SLC30A3: variants seen among roughly 807,000 people sequenced by gnomAD.
SLC30A3 encodes the protein solute carrier family 30 member 3.
A neutral mutation model predicts 35.6 loss-of-function variants in SLC30A3; 20 were observed. The ratio of observed to expected loss-of-function variants is 0.56; its 90% CI spans 0.39 to 0.82. SLC30A3 has a LOEUF of 0.82. SLC30A3 is among the 40% of genes least tolerant of loss of function. The pLI is 0.00. For synonymous variants in SLC30A3, 217 were observed against 224.7 expected (o/e 0.97, Z 0.31); for missense variants, 401 against 530.6 (o/e 0.76, Z 2.40).
At chr2:27,270,645 G>C (rs1165939264) in intron 1 of SLC30A3, among the ~76,000 whole-genome samples, 1 of 152,196 alleles carries the variant, frequency 6.6e-6, no homozygotes, top group Non-Finnish European at 1.5e-5. Flanking sequence ...CGAAGAGACA[G>C]ACACTATTAT....
At chr2:27,261,362 G>A (rs1677174303) in intron 1 of SLC30A3, among the ~76,000 whole-genome samples, 1 of 152,220 alleles carries the variant, frequency 6.6e-6, no homozygotes, top group South Asian at 2.1e-4. Context: ...GGGCAGGTAG[G>A]TTAGGAAATG....
At chr2:27,263,215 G>A, upstream of SLC30A3, 3 of 662,202 alleles carry the variant, frequency 4.5e-6, no homozygotes, top group Non-Finnish European at 5.9e-6. Context: ...GGAGCGCCCC[G>A]CCACCCGAGT....
At chr2:27,256,556 C>A in intron 6 of SLC30A3, 36 bp from the exon 7 acceptor site, 1 of 1,612,386 alleles carries the variant, frequency 6.2e-7, no homozygotes, top group Non-Finnish European at 8.5e-7. Flanking sequence ...ACTGCTAGGG[C>A]TACTCCTGCC....
chr2:27,255,037 C>A lies in SLC30A3; in HGVS notation c.*275G>T. ...AACCATGGGGAGATGGCACCACAGG[C>A]CTTCAACACACCCTGCCACACTGAG... is the stretch of plus-strand genomic sequence containing the variant. On this transcript the variant is annotated 3_prime_UTR_variant, in exon 8 of 8. Transcript: ENST00000233535. The surrounding 1 kb of genome is among the most constrained non-coding windows in gnomAD (Gnocchi z 5.2). 7.3e-7 allele frequency: 1 copy of A among 1,372,468 alleles called. No individual in the cohort carries two copies. The highest frequency in any genetic ancestry group is 9.5e-7 in the Non-Finnish European group (1 of 1,048,492). The allele number at this position is 1,372,468 out of a possible 1,614,324, so 85.0% of individuals were successfully genotyped here.
upstream of SLC30A3, chr2:27,275,449 T>C (rs982710084): frequency 1.4e-5 from 5 of 352,250 alleles, no homozygotes; most frequent in African/African-American, 4.3e-5. Context: ...ACCCTCAGCG[T>C]CGACGCTGCG....
chr2:27,270,919 G>A (rs1047568090), intron 1 of SLC30A3, among the ~76,000 whole-genome samples: 3 of 152,140 alleles, frequency 2.0e-5, no homozygotes, highest in South Asian at 4.1e-4. Flanking sequence ...ATGAGAGGAT[G>A]TGAATATCCC....
At position 27,271,313 on chromosome 2, in the gene SLC30A3, A is replaced by T. The variant is rs1454347567; in HGVS notation, c.-159+3864T>A. ...AAACTTTAGTTGTTTGTGGGTAAAC[A>T]AGGGATGCTTCTTCGTTTTCTCCAT... On this transcript the variant is annotated intron_variant, in intron 1 of 5. Coordinates refer to the SLC30A3 transcript ENST00000424577. The surrounding 1 kb of genome is among the most constrained non-coding windows in gnomAD (Gnocchi z 4.3). 6.6e-6 allele frequency among the ~76,000 whole-genome samples: 1 copy of T among 152,230 alleles called. No individual in the cohort carries two copies. Among genetic ancestry groups the T allele is most frequent in the Non-Finnish European group, 1.5e-5 (1 of 68,050 alleles).
Position 27,254,943 on chromosome 2 carries a change from G to T in SLC30A3, c.*369C>A. ...ACCAACAGCACATAGACAGGCAGAT[G>T]CCCCCAGCCAGCCAGCCTGCCACAC... is the stretch of plus-strand genomic sequence containing the variant. On this transcript the variant is annotated 3_prime_UTR_variant, in exon 8 of 8. Transcript: ENST00000233535. 1 of 656,910 alleles carries T rather than the reference G, an allele frequency of 1.5e-6. No individual in the cohort carries two copies. Among genetic ancestry groups the T allele is most frequent in the Non-Finnish European group, 2.2e-6 (1 of 454,354 alleles). The allele number at this position is 656,910 out of a possible 1,614,324, so 40.7% of individuals were successfully genotyped here.
At chr2:27,274,519 A>G (rs1677904737) in intron 1 of SLC30A3, among the ~76,000 whole-genome samples, 1 of 152,210 alleles carries the variant, frequency 6.6e-6, no homozygotes, top group Non-Finnish European at 1.5e-5. Context: ...ACTACAAAGT[A>G]GTAAATTATA....
chr2:27,263,009 G>A lies in SLC30A3; in HGVS notation c.-103C>T. On this transcript the variant is annotated 5_prime_UTR_variant, in exon 1 of 8. Transcript: ENST00000233535. ...CCGCCGACCCCCGGGATCCCCGCAG[G>A]GCGGCGGGGCCACCAGAGTGGAGCG... 7.1e-7 allele frequency: 1 copy of A among 1,410,918 alleles called. No homozygotes were observed. The highest frequency in any genetic ancestry group is 9.2e-7 in the Non-Finnish European group (1 of 1,090,638). The allele number at this position is 1,410,918 out of a possible 1,614,324, so 87.4% of individuals were successfully genotyped here.
In SLC30A3 at chr2:27,258,352, C is replaced by A; in HGVS notation, c.278-45G>T. 6.7e-7 allele frequency: 1 copy of A among 1,499,112 alleles called. No homozygotes were observed. Among genetic ancestry groups the A allele is most frequent in the South Asian group, 1.4e-5 (1 of 72,852 alleles). The allele number at this position is 1,499,112 out of a possible 1,614,324, so 92.9% of individuals were successfully genotyped here. On this transcript the variant is annotated intron_variant, in intron 2 of 7. Coordinates refer to ENST00000233535, the MANE Select transcript of SLC30A3 (RefSeq NM_003459.5). This position sits in a 1 kb window ranked among gnomAD's most constrained non-coding sequence, Gnocchi z 4.0. ...GAGTCTGCTTCCATTTAGAAAATAT[C>A]ATGTAGTGTGTATAGGCATGGAAAA...
chr2:27,256,734 G>A (rs1009013114), intron 6 of SLC30A3, 54 bp downstream of exon 6: 90 of 1,397,814 alleles, frequency 6.4e-5, no homozygotes, highest in African/African-American at 2.7e-4. Context: ...GGCCCACTGC[G>A]AGAGTAAAGT....
rs975363256 is a variant in SLC30A3 at position 27,262,567 on chromosome 2, G to A, written c.95+245C>T. Among the ~76,000 whole-genome samples, 18 of 152,098 alleles carry A rather than the reference G, an allele frequency of 1.2e-4. No homozygotes were observed. Among genetic ancestry groups the A allele is most frequent in the Non-Finnish European group, 2.2e-4 (15 of 67,986 alleles). ...GCGGAGGGGTCCGGCGGCCTGGGAC[G>A]CCGGCCGGAGGGGAGTGAGAGGCCG... On this transcript the variant is annotated intron_variant, in intron 1 of 7. Coordinates refer to ENST00000233535, the MANE Select transcript of SLC30A3 (RefSeq NM_003459.5). This position sits in a 1 kb window ranked among gnomAD's most constrained non-coding sequence, Gnocchi z 7.5.
At chr2:27,275,447 C>T (rs950644169), upstream of SLC30A3, 14 of 352,592 alleles carry the variant, frequency 4.0e-5, no homozygotes, top group Admixed American at 7.8e-5. Flanking sequence ...AGACCCTCAG[C>T]GTCGACGCTG....
Position 27,271,563 on chromosome 2 carries a change from A to G in SLC30A3, c.-159+3614T>C, listed in dbSNP as rs1226768844. On this transcript the variant is annotated intron_variant, in intron 1 of 5. Coordinates refer to the SLC30A3 transcript ENST00000424577. The surrounding 1 kb of genome is among the most constrained non-coding windows in gnomAD (Gnocchi z 4.3). ...TAGAAGAGGAAAAATAGACTCAGAG[A>G]TGAAATGATTTGTCTAAGATCACAC... Among the ~76,000 whole-genome samples, 3 of 152,278 alleles carry G rather than the reference A, an allele frequency of 2.0e-5. No homozygotes were observed. Among genetic ancestry groups the G allele is most frequent in the Non-Finnish European group, 2.9e-5 (2 of 68,052 alleles).
upstream of SLC30A3, among the ~76,000 whole-genome samples, chr2:27,266,983 GC>G (rs200483184): frequency 0.24 from 36,937 of 151,964 alleles, 4,747 homozygotes; most frequent in Admixed American, 0.36. Flanking sequence ...CCACATGTCA[GC>G]TTGACATCCC....
intron 1 of SLC30A3, among the ~76,000 whole-genome samples, chr2:27,273,100 T>TGA (rs1677801562): frequency 2.0e-5 from 3 of 149,942 alleles, no homozygotes; most frequent in Non-Finnish European, 4.4e-5. Context: ...ACAGTGTGTG[T>TGA]GTGTGTGTGT....
chr2:27,260,343 C>G (rs1198303580), intron 1 of SLC30A3, among the ~76,000 whole-genome samples: 1 of 152,138 alleles, frequency 6.6e-6, no homozygotes, highest in Non-Finnish European at 1.5e-5. Context: ...AATTGGACTT[C>G]AGTCCGACTA....
Position 27,258,630 on chromosome 2 carries a change from C to T in SLC30A3, c.277+123G>A, listed in dbSNP as rs1404987709. ...TACTTCCTGAGTCCTGGGCACCCAG[C>T]TCCCCTATCCCAGCCATCCCCATCT... On this transcript the variant is annotated intron_variant, in intron 2 of 7. Transcript: ENST00000233535. This position sits in a 1 kb window ranked among gnomAD's most constrained non-coding sequence, Gnocchi z 4.0. 3.2e-5 allele frequency: 35 copies of T among 1,095,890 alleles called. No homozygotes were observed. Among genetic ancestry groups the T allele is most frequent in the Non-Finnish European group, 4.5e-5 (34 of 748,268 alleles). The allele number at this position is 1,095,890 out of a possible 1,614,324, so 67.9% of individuals were successfully genotyped here.
Sources: gnomAD v4.1 joint callset for allele counts (sites outside exome capture counted in the v4.1 genomes callset) on GRCh38, gnomAD v4.1.1 for gene constraint, Gnocchi (gnomAD v3.1) non-coding constraint, MANE v1.5 for transcripts, NCBI Gene and HGNC (gene_info 2026-07-23, HGNC 2026-07-21) for gene names.